MACROD2: variants seen among roughly 807,000 people sequenced by gnomAD.
MACROD2 encodes the protein mono-ADP ribosylhydrolase 2, also known as ADP-ribose glycohydrolase MACROD2.
In MACROD2, 36 loss-of-function variants were observed where a neutral mutation model predicts 70.4. That is an observed-to-expected ratio of 0.51 (90% CI 0.39 to 0.68). MACROD2 has a LOEUF of 0.68. MACROD2 is among the 30% of genes least tolerant of loss of function. The pLI, the probability that MACROD2 is intolerant of heterozygous loss-of-function variation, is 0.00. For missense variants in MACROD2, 496 were observed against 538.4 expected (o/e 0.92, Z 0.78); for synonymous variants, 172 against 178.8 (o/e 0.96, Z 0.30).
intron 3 of MACROD2, among the ~76,000 whole-genome samples, chr20:14,170,472 G>A (rs1246898499): frequency 1.3e-5 from 2 of 151,972 alleles, no homozygotes; most frequent in African/African-American, 2.4e-5. Context: ...TATAATGTTG[G>A]CTGTGGGTTT....
At chr20:15,933,643 A>G (rs1014865304) in intron 11 of MACROD2, among the ~76,000 whole-genome samples, 14 of 152,332 alleles carry the variant, frequency 9.2e-5, no homozygotes, top group African/African-American at 3.4e-4. Flanking sequence ...TGGCTGAGTT[A>G]GGTCAAGCTC....
chr20:14,066,835 G>C (rs1398996816), intron 2 of MACROD2, among the ~76,000 whole-genome samples: 1 of 118,062 alleles, frequency 8.5e-6, no homozygotes, highest in African/African-American at 3.1e-5. Context: ...TTTTGAGACA[G>C]AGTCTTGCTC....
At chr20:14,405,578 C>A (rs2083683181) in intron 3 of MACROD2, among the ~76,000 whole-genome samples, 1 of 152,134 alleles carries the variant, frequency 6.6e-6, no homozygotes, top group Non-Finnish European at 1.5e-5. Context: ...CTAAATACTG[C>A]TGCTAGAATG....
chr20:14,172,946 G>GT (rs2081234819), intron 3 of MACROD2, among the ~76,000 whole-genome samples: 1 of 152,132 alleles, frequency 6.6e-6, no homozygotes, highest in Non-Finnish European at 1.5e-5. Flanking sequence ...TACTGATTTA[G>GT]TTTAAGGAGA....
chr20:15,358,000 G>A (rs2078308507), intron 6 of MACROD2, among the ~76,000 whole-genome samples: 1 of 151,960 alleles, frequency 6.6e-6, no homozygotes, highest in African/African-American at 2.4e-5. Flanking sequence ...AGTAGAGACG[G>A]GGTTTCACCG....
intron 8 of MACROD2, among the ~76,000 whole-genome samples, chr20:15,570,522 G>T (rs750876802): frequency 1.6e-4 from 24 of 152,136 alleles, no homozygotes; most frequent in Non-Finnish European, 3.5e-4. Flanking sequence ...AAAAGAAATT[G>T]ATTGGCTCTA....
intron 4 of MACROD2, among the ~76,000 whole-genome samples, chr20:14,539,118 A>G (rs1453956391): frequency 6.6e-6 from 1 of 152,232 alleles, no homozygotes; most frequent in Non-Finnish European, 1.5e-5. Context: ...ATTTGGCAAC[A>G]GTAGAAATCA....
intron 6 of MACROD2, among the ~76,000 whole-genome samples, chr20:15,313,527 AAT>A (rs1252555081): frequency 6.6e-6 from 1 of 151,472 alleles, no homozygotes; most frequent in Non-Finnish European, 1.5e-5. Context: ...AAAAAAAAAA[AAT>A]GACATGCAAT....
intron 8 of MACROD2, among the ~76,000 whole-genome samples, chr20:15,623,825 A>ACACATAATG (rs773627456): frequency 1.3e-5 from 2 of 152,172 alleles, no homozygotes; most frequent in Non-Finnish European, 2.9e-5. Flanking sequence ...ATAGATATAT[A>ACACATAATG]CACATAATGC....
chr20:15,739,697 T>A (rs1263627363), intron 8 of MACROD2, among the ~76,000 whole-genome samples: 1 of 152,100 alleles, frequency 6.6e-6, no homozygotes, highest in Non-Finnish European at 1.5e-5. Flanking sequence ...GACTCCTTTA[T>A]GAAAGAAAAT....
chr20:15,007,830 A>G (rs553574915), intron 5 of MACROD2, among the ~76,000 whole-genome samples: 37 of 152,322 alleles, frequency 2.4e-4, no homozygotes, highest in African/African-American at 7.9e-4. Flanking sequence ...GGAAACCCCA[A>G]TAACTCTGGG....
At chr20:14,484,683 C>T (rs1349674453) in intron 3 of MACROD2, among the ~76,000 whole-genome samples, 2 of 152,170 alleles carry the variant, frequency 1.3e-5, no homozygotes, top group African/African-American at 4.8e-5. Flanking sequence ...TAAGTGAGAA[C>T]ATGCAAAATT....
chr20:15,970,615 G>A (rs774264190), intron 13 of MACROD2, among the ~76,000 whole-genome samples: 57 of 152,114 alleles, frequency 3.7e-4, no homozygotes, highest in African/African-American at 5.1e-4. Context: ...AACTCTCCAC[G>A]TTGAGGAGAC....
At chr20:14,450,926 G>A (rs1194700117) in intron 3 of MACROD2, among the ~76,000 whole-genome samples, 1 of 152,110 alleles carries the variant, frequency 6.6e-6, no homozygotes, top group South Asian at 2.1e-4. Context: ...AAGAGAGCCA[G>A]ACAATTAAGA....
chr20:14,485,497 C>A (rs1455528082), intron 3 of MACROD2, among the ~76,000 whole-genome samples: 1 of 151,876 alleles, frequency 6.6e-6, no homozygotes, highest in African/African-American at 2.4e-5. Context: ...GTCGGGAAAT[C>A]AGGATCATCC....
intron 3 of MACROD2, among the ~76,000 whole-genome samples, chr20:14,233,930 G>A (rs1241222154): frequency 6.6e-6 from 1 of 152,062 alleles, no homozygotes; most frequent in African/African-American, 2.4e-5. Flanking sequence ...TTGAGCATAT[G>A]GCAGTTTTAG....
chr20:14,086,357 G>A lies in MACROD2; in HGVS notation c.271+629G>A, dbSNP rs182375487. 1,154 of 216,430 alleles carry A rather than the reference G, an allele frequency of 5.3e-3. 13 individuals carry two copies. The highest frequency in any genetic ancestry group is 0.024 in the African/African-American group (1,061 of 43,728). 13.4% of individuals were successfully genotyped at this position (216,430 alleles called of 1,614,324 possible). A position where few individuals can be genotyped will look rare whatever the true frequency, so the allele number is the denominator to read the frequency against. On this transcript the variant is annotated intron_variant, in intron 3 of 17. Transcript: ENST00000684519. Reference sequence around the variant, plus strand: ...ATATATCAAAAAAGATATAACAGCCGTGATTCTACAAAAATATTGTAAATG... The same window carrying A: ...ATATATCAAAAAAGATATAACAGCCATGATTCTACAAAAATATTGTAAATG...
At chr20:15,742,499 A>G (rs2051120345) in intron 8 of MACROD2, among the ~76,000 whole-genome samples, 1 of 152,220 alleles carries the variant, frequency 6.6e-6, no homozygotes, top group South Asian at 2.1e-4. Flanking sequence ...TTAGTATAGA[A>G]AGGGACAGCC....
chr20:14,778,126 T>C (rs1431521135), intron 5 of MACROD2, among the ~76,000 whole-genome samples: 1 of 152,080 alleles, frequency 6.6e-6, no homozygotes, highest in Non-Finnish European at 1.5e-5. Context: ...TTCCAAAAGT[T>C]TGTGAATGAC....
Sources: gnomAD v4.1 joint callset for allele counts (sites outside exome capture counted in the v4.1 genomes callset) on GRCh38, gnomAD v4.1.1 for gene constraint, MANE v1.5 for transcripts, NCBI Gene and HGNC (gene_info 2026-07-23, HGNC 2026-07-21) for gene names.